NALCN: variants seen among roughly 807,000 people sequenced by gnomAD.
NALCN encodes the protein sodium leak channel NALCN.
NALCN carries 111 observed loss-of-function variants against 225.3 expected under a neutral mutation model. The observed-to-expected ratio is 0.49, with a 90% CI of 0.42 to 0.58. The LOEUF (loss-of-function observed/expected upper bound fraction) is 0.58. Among genes scored for constraint, NALCN ranks in the 20% least tolerant of loss-of-function variants. The pLI, the probability that NALCN is intolerant of heterozygous loss-of-function variation, is 0.00. For synonymous variants in NALCN, 764 were observed against 769.0 expected (o/e 0.99, Z 0.11); for missense variants, 1,378 against 2,202.4 (o/e 0.63, Z 7.49).
chr13:101,076,200 C>A (rs913799830), intron 34 of NALCN, among the ~76,000 whole-genome samples: 2 of 152,276 alleles, frequency 1.3e-5, no homozygotes, highest in East Asian at 3.9e-4. Context: ...ATTTATTTTA[C>A]ATAAAATGGT....
intron 14 of NALCN, among the ~76,000 whole-genome samples, chr13:101,179,912 C>G (rs2039122766): frequency 6.6e-6 from 1 of 152,108 alleles, no homozygotes; most frequent in Admixed American, 6.5e-5. Flanking sequence ...TGGTGGCCTC[C>G]TCTGTCCCTC....
At chr13:101,130,097 G>A (rs913321633) in intron 17 of NALCN, among the ~76,000 whole-genome samples, 16 of 152,074 alleles carry the variant, frequency 1.1e-4, no homozygotes, top group African/African-American at 2.4e-4. Flanking sequence ...TACGTGCCAC[G>A]TTTTCTTTAG....
At chr13:101,144,677 T>G in intron 16 of NALCN, 83 bp downstream of exon 16, 6 of 1,445,762 alleles carry the variant, frequency 4.2e-6, no homozygotes, top group Non-Finnish European at 5.6e-6. Context: ...CACATATACT[T>G]AAAAGAAGGG....
chr13:101,069,926 C>A (rs2032725274), intron 37 of NALCN, among the ~76,000 whole-genome samples: 1 of 152,184 alleles, frequency 6.6e-6, no homozygotes, highest in African/African-American at 2.4e-5. Context: ...CTTGCTATTT[C>A]TACCAACCAC....
At chr13:101,144,094 C>T (rs2037224899) in intron 16 of NALCN, among the ~76,000 whole-genome samples, 1 of 152,126 alleles carries the variant, frequency 6.6e-6, no homozygotes, top group Non-Finnish European at 1.5e-5. Flanking sequence ...AAGCTAGTAA[C>T]ATATTACTGT....
At chr13:101,122,673 C>T (rs939403771) in intron 18 of NALCN, among the ~76,000 whole-genome samples, 4 of 152,158 alleles carry the variant, frequency 2.6e-5, no homozygotes, top group Non-Finnish European at 5.9e-5. Flanking sequence ...GACTCTTCGC[C>T]ATCCAATCTA....
chr13:101,209,591 C>T (rs1410904894), intron 13 of NALCN, among the ~76,000 whole-genome samples: 1 of 152,044 alleles, frequency 6.6e-6, no homozygotes, highest in Non-Finnish European at 1.5e-5. Flanking sequence ...AGAACAAGGC[C>T]AAATATAATA....
Position 101,107,701 on chromosome 13 carries a change from T to C in NALCN, c.2453A>G (p.Lys818Arg), listed in dbSNP as rs760818556. 2 of 1,613,986 alleles carry C rather than the reference T, an allele frequency of 1.2e-6. No individual in the cohort carries two copies. The highest frequency in any genetic ancestry group is 1.3e-5 in the African/African-American group (1 of 75,034). ...IQEKKEQAEM[K>R]RKVQEEELRE... ...GGGACACTGCAGCAACCTGTACCTT[T>C]TCATCTCTGCTTGCTCCTTTTTTTC... Residue 818 changes from lysine to arginine, a missense_variant, in exon 21 of 44, where the codon AAA becomes AGA. Lys to Arg is a conservative substitution (Grantham distance 26). Around this residue, in one of 19 missense-constraint regions of NALCN, gnomAD observed 292 missense variants for 409.5 expected, o/e 0.71. Coordinates refer to ENST00000251127, the MANE Select transcript of NALCN (RefSeq NM_052867.4).
At chr13:101,240,258 C>A (rs1299600608) in intron 11 of NALCN, among the ~76,000 whole-genome samples, 1 of 151,918 alleles carries the variant, frequency 6.6e-6, no homozygotes, top group Non-Finnish European at 1.5e-5. Context: ...GGAATGCACT[C>A]TTTTCCTATT....
At chr13:101,395,509 A>C (rs2047266120) in intron 2 of NALCN, 144 bp from the exon 3 acceptor site, 2 of 696,124 alleles carry the variant, frequency 2.9e-6, no homozygotes, top group Non-Finnish European at 4.6e-6. Context: ...TCTAACACTA[A>C]GTGCATATAA....
intron 34 of NALCN, among the ~76,000 whole-genome samples, chr13:101,079,800 T>C (rs1463984702): frequency 6.6e-6 from 1 of 152,224 alleles, no homozygotes; most frequent in Non-Finnish European, 1.5e-5. Flanking sequence ...TCACCTAGGC[T>C]TCATACAGCC....
At chr13:101,124,898 T>C (rs1055851825) in intron 17 of NALCN, among the ~76,000 whole-genome samples, 1 of 152,224 alleles carries the variant, frequency 6.6e-6, no homozygotes, top group Non-Finnish European at 1.5e-5. Flanking sequence ...GATGGTGCAT[T>C]GGCTGTGCCT....
intron 10 of NALCN, among the ~76,000 whole-genome samples, chr13:101,282,128 C>T (rs1394179819): frequency 6.6e-6 from 1 of 152,074 alleles, no homozygotes; most frequent in African/African-American, 2.4e-5. Context: ...ATAGAACTAC[C>T]ATATGATCCC....
intron 37 of NALCN, among the ~76,000 whole-genome samples, chr13:101,072,568 T>A (rs1056156902): frequency 4.6e-5 from 7 of 152,196 alleles, no homozygotes; most frequent in African/African-American, 1.7e-4. Context: ...ATTCATTAAA[T>A]TTTGCCTTGT....
At chr13:101,063,506 A>G (rs977491766) in intron 40 of NALCN, among the ~76,000 whole-genome samples, 12 of 152,232 alleles carry the variant, frequency 7.9e-5, no homozygotes, top group Admixed American at 7.8e-4. Context: ...ATTAATGACA[A>G]CAGTATGCCT....
intron 13 of NALCN, among the ~76,000 whole-genome samples, chr13:101,215,862 C>T (rs375218803): frequency 2.2e-4 from 33 of 152,114 alleles, no homozygotes; most frequent in African/African-American, 7.5e-4. Flanking sequence ...AAGACCCTTT[C>T]TTGCTTTAAA....
At chr13:101,356,109 G>C (rs1024275519) in intron 6 of NALCN, among the ~76,000 whole-genome samples, 1 of 151,982 alleles carries the variant, frequency 6.6e-6, no homozygotes, top group Non-Finnish European at 1.5e-5. Context: ...ATCTCAAATG[G>C]ATACCCTAAC....
rs1278797831 is a variant in NALCN, at chr13:101,356,615, C to T, written c.645-11195G>A. On this transcript the variant is annotated intron_variant, in intron 6 of 43. Coordinates refer to ENST00000251127, the MANE Select transcript of NALCN (RefSeq NM_052867.4). Reference sequence around the variant, plus strand: ...ATTCTACCAGAGGTACAAAGAGGAGCTGGTATCATTCCTTCTGAAACTATT... The same window carrying T: ...ATTCTACCAGAGGTACAAAGAGGAGTTGGTATCATTCCTTCTGAAACTATT... 2.6e-5 allele frequency among the ~76,000 whole-genome samples: 4 copies of T among 152,164 alleles called. No homozygotes were observed. The East Asian group carries it at 7.7e-4, about 29-fold the overall frequency.
At position 101,083,308 on chromosome 13, in the gene NALCN, A is replaced by G. The variant is rs535688072; in HGVS notation, c.3584-110T>C. On this transcript the variant is annotated intron_variant, in intron 31 of 43. Transcript: ENST00000251127. ...TAAAACCCATTACATTTTTCTCCCC[A>G]AACAGTTCCGTCTATTGTGAGGTGT... 9 of 922,962 alleles carry G rather than the reference A, an allele frequency of 9.8e-6. 1 individual carries two copies. The highest frequency in any genetic ancestry group is 3.3e-5 in the African/African-American group (2 of 60,048). 57.2% of individuals were successfully genotyped at this position (922,962 alleles called of 1,614,324 possible).
Sources: gnomAD v4.1 joint callset for allele counts (sites outside exome capture counted in the v4.1 genomes callset) on GRCh38, gnomAD v4.1.1 for gene constraint, gnomAD v4.1.1 regional missense constraint, MANE v1.5 for transcripts, NCBI Gene and HGNC (gene_info 2026-07-23, HGNC 2026-07-21) for gene names.